Variants in CALD1 observed in about 807,000 individuals in gnomAD.
CALD1 encodes the protein caldesmon 1, also known as caldesmon.
CALD1 carries 33 observed loss-of-function variants against 99.9 expected under a neutral mutation model. The observed-to-expected ratio is 0.33, with a 90% CI of 0.25 to 0.44. CALD1 has a LOEUF of 0.44. CALD1 is among the 20% of genes least tolerant of loss of function. The pLI, the probability that CALD1 is intolerant of heterozygous loss-of-function variation, is 1.00. For synonymous variants in CALD1, 310 were observed against 325.0 expected (o/e 0.95, Z 0.50); for missense variants, 861 against 962.1 (o/e 0.89, Z 1.39).
intron 1 of CALD1, among the ~76,000 whole-genome samples, chr7:134,824,766 C>CT (rs1248806721): frequency 2.0e-5 from 3 of 152,070 alleles, no homozygotes; most frequent in Non-Finnish European, 2.9e-5. Context: ...GAGTTTTCTG[C>CT]TTTTTTTCAT....
chr7:134,928,973 A>G, intron 4 of CALD1, 73 bp downstream of exon 4: 1 of 1,327,372 alleles, frequency 7.5e-7, no homozygotes, highest in Non-Finnish European at 1.0e-6. Context: ...TTTGTTGAGC[A>G]GAGCATTCCT....
intron 3 of CALD1, among the ~76,000 whole-genome samples, chr7:134,878,114 T>C (rs904213860): frequency 6.6e-6 from 1 of 152,144 alleles, no homozygotes; most frequent in African/African-American, 2.4e-5. Context: ...GAATAATTCA[T>C]TTATTTTAAA....
At chr7:134,898,895 G>A (rs1802773153) in intron 3 of CALD1, among the ~76,000 whole-genome samples, 1 of 152,188 alleles carries the variant, frequency 6.6e-6, no homozygotes, top group Non-Finnish European at 1.5e-5. Context: ...CTAGGTGGTT[G>A]TTGGGTTTTT....
At chr7:134,778,076 G>T (rs1405326990), upstream of CALD1, among the ~76,000 whole-genome samples, 1 of 152,100 alleles carries the variant, frequency 6.6e-6, no homozygotes, top group Non-Finnish European at 1.5e-5. Context: ...ATTCCTCTTG[G>T]GATGCCTGAG....
Position 134,935,681 on chromosome 7 carries a change from TA to T in CALD1, c.1309-2del. 2.5e-6 allele frequency: 4 copies of T among 1,602,118 alleles called. No homozygotes were observed. Among genetic ancestry groups the T allele is most frequent in the South Asian group, 1.1e-5 (1 of 88,242 alleles). On this transcript the variant is annotated splice_polypyrimidine_tract_variant and splice_region_variant and intron_variant, in intron 5 of 14. Coordinates refer to ENST00000361675, the MANE Select transcript of CALD1 (RefSeq NM_033138.4). ...TGTGTGACCTTACCATTCTTGAAAA[TA>T]AAAAGGGAGAAGAGAAGGGAACTAA...
chr7:134,748,891 C>T (rs1366488542), intron 1 of CALD1, among the ~76,000 whole-genome samples: 3 of 151,928 alleles, frequency 2.0e-5, no homozygotes, highest in African/African-American at 7.3e-5. Context: ...CAGAGCAGTC[C>T]TCATGTATGG....
At chr7:134,936,588 T>C (rs923855975) in intron 6 of CALD1, among the ~76,000 whole-genome samples, 10 of 152,242 alleles carry the variant, frequency 6.6e-5, no homozygotes, top group Admixed American at 6.5e-4. Flanking sequence ...GTAGCCAACA[T>C]GCTCCAACCC....
intron 1 of CALD1, among the ~76,000 whole-genome samples, chr7:134,817,976 C>T (rs1225847046): frequency 1.3e-5 from 2 of 152,076 alleles, no homozygotes; most frequent in African/African-American, 4.8e-5. Context: ...TTGTTATAAC[C>T]TCATCTGTAA....
intron 6 of CALD1, among the ~76,000 whole-genome samples, chr7:134,936,201 G>A (rs1037765354): frequency 6.6e-6 from 1 of 152,198 alleles, no homozygotes; most frequent in East Asian, 1.9e-4. Flanking sequence ...ACTTTTCAAA[G>A]GAAAAACACC....
chr7:134,725,850 T>G, the CALD1 span, among the ~76,000 whole-genome samples: 1 of 152,140 alleles, frequency 6.6e-6, no homozygotes, highest in South Asian at 2.1e-4. Context: ...GAGAAGGTGC[T>G]ACAAAGACAG....
At chr7:134,886,335 G>A (rs1801849812) in intron 3 of CALD1, among the ~76,000 whole-genome samples, 2 of 152,198 alleles carry the variant, frequency 1.3e-5, no homozygotes, top group South Asian at 2.1e-4. Flanking sequence ...CTAGAATTCA[G>A]AGAAGCAAAA....
intron 1 of CALD1, among the ~76,000 whole-genome samples, chr7:134,820,444 C>A (rs1401516862): frequency 1.3e-5 from 2 of 152,160 alleles, no homozygotes; most frequent in African/African-American, 2.4e-5. Context: ...TGCTTCCGGT[C>A]TAAAAGCTGC....
intron 1 of CALD1, among the ~76,000 whole-genome samples, chr7:134,793,835 C>T (rs755549009): frequency 6.6e-6 from 1 of 151,262 alleles, no homozygotes; most frequent in African/African-American, 2.4e-5. Context: ...TTTTTTTAAA[C>T]CTTTTATGTT....
chr7:134,835,311 G>A (rs1799388972), intron 1 of CALD1, among the ~76,000 whole-genome samples: 1 of 152,188 alleles, frequency 6.6e-6, no homozygotes, highest in South Asian at 2.1e-4. Context: ...CAAGGCTCTG[G>A]ATTAGGTCTT....
chr7:134,966,003 A>G (rs762055422), intron 14 of CALD1, among the ~76,000 whole-genome samples: 2 of 152,210 alleles, frequency 1.3e-5, no homozygotes, highest in Non-Finnish European at 2.9e-5. Context: ...CTTACACTGC[A>G]AATGGGACCC....
At position 134,933,661 on chromosome 7, in the gene CALD1, G is replaced by A. The variant is rs746607454; in HGVS notation, c.892G>A (p.Glu298Lys). The A allele has an allele frequency of 1.2e-6, 2 of 1,601,776 alleles. No homozygotes were observed. The highest frequency in any genetic ancestry group is 4.5e-5 in the East Asian group (2 of 44,684). ...AGATGAACGAGCAAGAATTGAAGCA[G>A]AAGAAAAAGCAGCTGCCCAAGAAAG... ...IADERARIEA[E>K]EKAAAQERER... The change falls in exon 5 of 15, where the codon GAA (glutamate) becomes AAA (lysine). Residue 298 changes from glutamate (E) to lysine (K), a missense_variant. Physicochemically the swap from Glu to Lys is moderately conservative, Grantham distance 56 (BLOSUM62 1). This residue lies in a region of CALD1 where 234 missense variants were observed against 233.1 expected (regional missense o/e 1.00). Coordinates refer to ENST00000361675, the MANE Select transcript of CALD1 (RefSeq NM_033138.4).
At chr7:134,815,191 G>C (rs1167302763) in intron 1 of CALD1, among the ~76,000 whole-genome samples, 1 of 152,168 alleles carries the variant, frequency 6.6e-6, no homozygotes, top group Non-Finnish European at 1.5e-5. Context: ...GCTGGCCTTT[G>C]GGGATGAAGT....
chr7:134,960,033 A>C lies in CALD1; in HGVS notation c.2121A>C (p.Glu707Asp), dbSNP rs767071529. The change falls in exon 12 of 15, where the codon GAA becomes GAC. Residue 707 changes from glutamate (E) to aspartate (D), a missense_variant. By Grantham distance (45) the Glu-to-Asp change is conservative. Around this residue, in one of 5 missense-constraint regions of CALD1, gnomAD observed 190 missense variants for 249.0 expected, o/e 0.76. Transcript: ENST00000361675. ...CCTCGGATCTTCCTGTTCCTGCTGA[A>C]GGTGTACGCAACATCAAGAGTATGT... ...PAASDLPVPA[E>D]GVRNIKSMWE... 3.9e-5 allele frequency: 63 copies of C among 1,614,174 alleles called. No homozygotes were observed. Among genetic ancestry groups the C allele is most frequent in the Middle Eastern group, 3.3e-4 (2 of 6,062 alleles).
At chr7:134,746,594 A>G (rs1803134921) in intron 1 of CALD1, among the ~76,000 whole-genome samples, 1 of 142,554 alleles carries the variant, frequency 7.0e-6, no homozygotes, top group African/African-American at 2.5e-5. Context: ...ATTGTGGTGA[A>G]CTAACTATTA....
Sources: allele counts gnomAD v4.1 joint callset (sites outside exome capture counted in the v4.1 genomes callset), GRCh38; gene constraint gnomAD v4.1.1; regional missense constraint gnomAD v4.1.1; transcripts MANE v1.5; gene names NCBI Gene and HGNC (gene_info 2026-07-23, HGNC 2026-07-21).